OPHN1: variants seen among roughly 807,000 people sequenced by gnomAD.
OPHN1 encodes the protein oligophrenin-1.
Under a neutral mutation model 60.7 loss-of-function variants are expected in OPHN1, and 11 were observed. The observed-to-expected ratio is 0.18, with a 90% CI of 0.11 to 0.30. The LOEUF (loss-of-function observed/expected upper bound fraction) is 0.30. Ranked by LOEUF, OPHN1 falls within the 10% of genes least tolerant of loss-of-function variation. OPHN1 has a pLI of 1.00. For synonymous variants in OPHN1, 226 were observed against 222.6 expected, an observed-to-expected ratio of 1.02 and a Z score of -0.14; for missense variants, 449 against 611.0, an observed-to-expected ratio of 0.73 and a Z score of 2.80.
chrX:68,169,420 G>GA (rs1419366299), intron 15 of OPHN1, among the ~76,000 whole-genome samples: 2 of 110,059 alleles, frequency 1.8e-5, no homozygotes, highest in Non-Finnish European at 3.8e-5. Flanking sequence ...CACAGAATTG[G>GA]AAAAAACTAC....
intron 19 of OPHN1, among the ~76,000 whole-genome samples, chrX:68,082,641 A>G (rs1365539862): frequency 8.9e-6 from 1 of 112,332 alleles, no homozygotes; most frequent in East Asian, 2.8e-4. Context: ...CATTCTGTAG[A>G]CAGATGTGTT....
chrX:68,348,133 T>A (rs1429519165), intron 2 of OPHN1, among the ~76,000 whole-genome samples: 1 of 111,763 alleles, frequency 8.9e-6, no homozygotes, highest in African/African-American at 3.2e-5. Context: ...AGGACTAGCC[T>A]CCCCAAGGTC....
intron 3 of OPHN1, among the ~76,000 whole-genome samples, chrX:68,286,930 G>C (rs2078043499): frequency 9.2e-6 from 1 of 108,500 alleles, no homozygotes; most frequent in Admixed American, 1.0e-4. Context: ...CAGGAATATT[G>C]CTTGAAATCG....
At position 68,316,425 on chromosome X, in the gene OPHN1, G is replaced by A. The variant is rs138213347; in HGVS notation, c.155-17329C>T. Among the ~76,000 whole-genome samples the A allele has an allele frequency of 4.9e-3, 548 of 111,631 alleles. 4 individuals are homozygous for A. Among genetic ancestry groups the A allele is most frequent in the Non-Finnish European group, 8.1e-3 (428 of 53,144 alleles). On this transcript the variant is annotated intron_variant, in intron 2 of 24. Transcript: ENST00000355520. ...AGACCATTATATTAGTTTTCTATTC[G>A]CTGCCATAAGAAATTACCATAAACT...
intron 6 of OPHN1, among the ~76,000 whole-genome samples, chrX:68,221,231 G>T (rs1297781963): frequency 1.6e-5 from 1 of 64,488 alleles, no homozygotes; most frequent in Non-Finnish European, 3.0e-5. Flanking sequence ...GGGATGTGAA[G>T]GACCTCTTCA....
At chrX:68,052,295 A>G (rs1018070210) in intron 23 of OPHN1, among the ~76,000 whole-genome samples, 1 of 109,616 alleles carries the variant, frequency 9.1e-6, no homozygotes, top group Non-Finnish European at 1.9e-5. Context: ...ATCTCAAAAA[A>G]AAAAAAAAAA....
At chrX:68,116,593 T>G (rs2077128134) in intron 16 of OPHN1, among the ~76,000 whole-genome samples, 1 of 111,456 alleles carries the variant, frequency 9.0e-6, no homozygotes, top group Admixed American at 9.5e-5. Flanking sequence ...ATCACCAATT[T>G]TTTAGTTCAA....
At chrX:68,052,963 A>G (rs2076858299) in intron 22 of OPHN1, among the ~76,000 whole-genome samples, 1 of 112,511 alleles carries the variant, frequency 8.9e-6, no homozygotes, top group African/African-American at 3.2e-5. Flanking sequence ...CAATTTTACA[A>G]TTATGGAAAA....
At chrX:68,187,282 G>A (rs1187060005) in intron 15 of OPHN1, among the ~76,000 whole-genome samples, 1 of 111,538 alleles carries the variant, frequency 9.0e-6, no homozygotes, top group Non-Finnish European at 1.9e-5. Flanking sequence ...TTACAGATAG[G>A]TTTAAGGTCA....
chrX:68,154,770 T>C (rs771042044), intron 15 of OPHN1, among the ~76,000 whole-genome samples: 11 of 110,985 alleles, frequency 9.9e-5, no homozygotes, highest in Non-Finnish European at 2.1e-4. Context: ...GTTACAGGTA[T>C]TTAAAATTGT....
chrX:68,104,961 A>G (rs2077074903), intron 18 of OPHN1, among the ~76,000 whole-genome samples: 1 of 112,087 alleles, frequency 8.9e-6, no homozygotes, highest in Non-Finnish European at 1.9e-5. Context: ...AATTTACAAG[A>G]AAAAAACAAA....
At chrX:68,251,274 C>T (rs934923194) in intron 5 of OPHN1, among the ~76,000 whole-genome samples, 1 of 102,120 alleles carries the variant, frequency 9.8e-6, no homozygotes, top group East Asian at 3.1e-4. Context: ...GCAATCTCCA[C>T]CTCCCAGGTT....
intron 6 of OPHN1, among the ~76,000 whole-genome samples, chrX:68,229,020 C>CTGTT (rs2077712753): frequency 1.8e-5 from 2 of 111,501 alleles, no homozygotes; most frequent in African/African-American, 3.3e-5. Flanking sequence ...ACCCCATCAT[C>CTGTT]TCAGCCCCAA....
intron 2 of OPHN1, among the ~76,000 whole-genome samples, chrX:68,348,193 A>G (rs1412457054): frequency 4.5e-5 from 5 of 112,249 alleles, no homozygotes; most frequent in Non-Finnish European, 7.5e-5. Context: ...TTAGAGGATC[A>G]GGTAGAGAAG....
intron 2 of OPHN1, among the ~76,000 whole-genome samples, chrX:68,322,913 C>A (rs1288066608): frequency 1.8e-5 from 2 of 111,660 alleles, no homozygotes; most frequent in Non-Finnish European, 3.8e-5. Flanking sequence ...AAAAAAAAAT[C>A]TTAAAAGGTC....
chrX:68,135,445 T>C (rs952429520), intron 15 of OPHN1, among the ~76,000 whole-genome samples: 5 of 111,688 alleles, frequency 4.5e-5, no homozygotes, highest in Admixed American at 1.9e-4. Context: ...AGCTATTATA[T>C]AGGCCTTTTG....
At chrX:68,196,465 C>T (rs772314274) in intron 12 of OPHN1, among the ~76,000 whole-genome samples, 2 of 112,068 alleles carry the variant, frequency 1.8e-5, no homozygotes, top group African/African-American at 6.5e-5. Flanking sequence ...AGTCACATAG[C>T]CATTTAATGG....
In OPHN1 at chrX:68,409,652, ATGAGGGC is replaced by A. The variant is rs745674652; in HGVS notation, c.154+23208_154+23214del. On this transcript the variant is annotated intron_variant, in intron 2 of 24. Coordinates refer to ENST00000355520, the MANE Select transcript of OPHN1 (RefSeq NM_002547.3). ...ATTCTTTTGTATGCAAAGATGAGGA[ATGAGGGC>A]TGAGGGCTGAGGGCTGAAAATACAA... Among the ~76,000 whole-genome samples the A allele has an allele frequency of 6.2e-4, 69 of 111,972 alleles. 1 individual carries two copies. In the East Asian group the frequency reaches 0.013, roughly 22 times the overall value.
At chrX:68,117,128 A>G (rs1286249182) in intron 16 of OPHN1, among the ~76,000 whole-genome samples, 1 of 111,410 alleles carries the variant, frequency 9.0e-6, no homozygotes. Flanking sequence ...CTTTAAAGCC[A>G]TGAATGATAT....
Sources: allele counts gnomAD v4.1 joint callset (sites outside exome capture counted in the v4.1 genomes callset), GRCh38; gene constraint gnomAD v4.1.1; transcripts MANE v1.5; gene names NCBI Gene and HGNC (gene_info 2026-07-23, HGNC 2026-07-21).